Variants in ZNF354C observed in about 807,000 individuals in gnomAD.
ZNF354C encodes the protein KRAB-zinc finger protein synten.
A neutral mutation model predicts 12.4 loss-of-function variants in ZNF354C; 7 were observed. The observed-to-expected ratio is 0.56, with a 90% CI of 0.32 to 1.06. ZNF354C has a LOEUF of 1.06. Among genes scored for constraint, ZNF354C ranks in the 50% least tolerant of loss-of-function variants. The pLI, the probability that ZNF354C is intolerant of heterozygous loss-of-function variation, is 0.04. For synonymous variants in ZNF354C, 202 were observed against 224.5 expected, an observed-to-expected ratio of 0.90 and a Z score of 0.90; for missense variants, 609 against 658.0, an observed-to-expected ratio of 0.93 and a Z score of 0.81.
intron 2 of ZNF354C, among the ~76,000 whole-genome samples, chr5:179,066,284 C>T (rs998208003): frequency 6.6e-6 from 1 of 152,224 alleles, no homozygotes; most frequent in East Asian, 1.9e-4. Flanking sequence ...TGTCTTATAA[C>T]AGAGTATTCC....
chr5:179,070,772 G>C (rs1762035889), intron 2 of ZNF354C, among the ~76,000 whole-genome samples: 1 of 150,742 alleles, frequency 6.6e-6, no homozygotes, highest in South Asian at 2.1e-4. Context: ...TAAGCATTTT[G>C]AGTGGAGTTG....
intron 1 of ZNF354C, among the ~76,000 whole-genome samples, 175 bp from the exon 2 acceptor site, chr5:179,061,840 A>G (rs1199421263): frequency 3.3e-5 from 5 of 152,204 alleles, no homozygotes; most frequent in African/African-American, 1.2e-4. Flanking sequence ...AAGTGCAGAA[A>G]TAGAAGTAGG....
intron 2 of ZNF354C, among the ~76,000 whole-genome samples, chr5:179,068,733 C>T (rs1390704000): frequency 2.6e-5 from 4 of 152,128 alleles, no homozygotes; most frequent in African/African-American, 9.6e-5. Flanking sequence ...AACACGGAGC[C>T]TGTATTAGTG....
At chr5:179,077,419 G>A (rs914444457) in intron 4 of ZNF354C, among the ~76,000 whole-genome samples, 1 of 152,142 alleles carries the variant, frequency 6.6e-6, no homozygotes, top group African/African-American at 2.4e-5. Context: ...GAGTCACCTC[G>A]AACTAAATCT....
intron 2 of ZNF354C, among the ~76,000 whole-genome samples, chr5:179,068,923 C>T (rs1761998799): frequency 6.6e-6 from 1 of 152,264 alleles, no homozygotes; most frequent in Non-Finnish European, 1.5e-5. Flanking sequence ...ATGGCCTCTC[C>T]TGCGCATGAG....
At chr5:179,071,219 T>C (rs2113115968) in intron 2 of ZNF354C, among the ~76,000 whole-genome samples, 1 of 152,078 alleles carries the variant, frequency 6.6e-6, no homozygotes, top group South Asian at 2.1e-4. Flanking sequence ...CCCTCACACA[T>C]TGCTACTCAC....
intron 2 of ZNF354C, among the ~76,000 whole-genome samples, chr5:179,070,868 A>C (rs1224893430): frequency 3.0e-5 from 1 of 33,836 alleles, no homozygotes; most frequent in African/African-American, 1.3e-4. Flanking sequence ...TTTTTTTTTG[A>C]GACAGAGTCT....
rs748605016 is a variant in ZNF354C at position 179,080,045 on chromosome 5, CACTT to C, written c.1616_1619del (p.Leu539ProfsTer21). On this transcript the variant is annotated frameshift_variant, in exon 5 of 5. Coordinates refer to ENST00000315475, the MANE Select transcript of ZNF354C (RefSeq NM_014594.3). LOFTEE classifies it low-confidence loss of function (END_TRUNC). ...GGGAAACCTTTCATCTGCAGCTCCT[CACTT>C]ACCCAGTATCAGAGATTTTTTAAAG... The C allele has an allele frequency of 9.3e-6, 15 of 1,606,000 alleles. No individual in the cohort carries two copies. The highest frequency in any genetic ancestry group is 2.2e-5 in the East Asian group (1 of 44,850).
At chr5:179,070,564 T>A (rs970031471) in intron 2 of ZNF354C, among the ~76,000 whole-genome samples, 2 of 152,214 alleles carry the variant, frequency 1.3e-5, no homozygotes, top group Non-Finnish European at 2.9e-5. Flanking sequence ...CCAAGCCTAC[T>A]TCTGTGACTA....
At chr5:179,070,346 C>T (rs115674568) in intron 2 of ZNF354C, among the ~76,000 whole-genome samples, 26 of 152,200 alleles carry the variant, frequency 1.7e-4, no homozygotes, top group Admixed American at 7.8e-4. Flanking sequence ...CCTCTGATAT[C>T]GAGTACAGTC....
chr5:179,062,905 T>C (rs895819289), intron 2 of ZNF354C, among the ~76,000 whole-genome samples: 3 of 152,200 alleles, frequency 2.0e-5, no homozygotes, highest in Admixed American at 2.0e-4. Context: ...TTTTCATTAC[T>C]TTAACCCTCA....
intron 2 of ZNF354C, among the ~76,000 whole-genome samples, chr5:179,073,425 G>C (rs1762074763): frequency 6.6e-6 from 1 of 152,174 alleles, no homozygotes; most frequent in South Asian, 2.1e-4. Flanking sequence ...TTAAAGTGCA[G>C]CTGATTGCTT....
intron 2 of ZNF354C, among the ~76,000 whole-genome samples, chr5:179,073,952 C>A (rs1762080825): frequency 6.6e-6 from 1 of 151,718 alleles, no homozygotes; most frequent in African/African-American, 2.4e-5. Context: ...CCACTGAACC[C>A]AGCCATCAGC....
At position 179,079,539 on chromosome 5, in the gene ZNF354C, A is replaced by G. The variant is rs751860972; in HGVS notation, c.1107A>G (p.Thr369=). 6.2e-7 allele frequency: 1 copy of G among 1,614,200 alleles called. No individual in the cohort carries two copies. Among genetic ancestry groups the G allele is most frequent in the South Asian group, 1.1e-5 (1 of 91,086 alleles). ...SECGKGYSQF[T]SLAEHQRFHT... is the part of the protein sequence containing the mutation. ...GTGGGAAGGGATACAGCCAGTTTACATCTCTAGCTGAACATCAGAGGTTTC... is the reference window on the plus strand; with the variant it reads ...GTGGGAAGGGATACAGCCAGTTTACGTCTCTAGCTGAACATCAGAGGTTTC... Residue 369 remains threonine, a synonymous_variant, in exon 5 of 5, where the codon ACA becomes ACG. Transcript: ENST00000315475. The surrounding 1 kb of genome is among the most constrained non-coding windows in gnomAD (Gnocchi z 4.2).
intron 2 of ZNF354C, among the ~76,000 whole-genome samples, chr5:179,074,135 A>C (rs1175484361): frequency 6.6e-6 from 1 of 151,382 alleles, no homozygotes; most frequent in African/African-American, 2.4e-5. Flanking sequence ...GGCACGTGCC[A>C]CCATGCCCAG....
chr5:179,071,284 A>G (rs570977038), intron 2 of ZNF354C, among the ~76,000 whole-genome samples: 2 of 151,578 alleles, frequency 1.3e-5, no homozygotes, highest in East Asian at 2.0e-4. Flanking sequence ...GGATGAGATG[A>G]TTGATAAGAT....
intron 2 of ZNF354C, among the ~76,000 whole-genome samples, chr5:179,074,270 C>T (rs558693094): frequency 1.5e-4 from 22 of 150,578 alleles, no homozygotes; most frequent in Admixed American, 1.0e-3. Context: ...TGTGAGCCAC[C>T]GCGCCTGGCT....
chr5:179,061,993 T>C, intron 1 of ZNF354C, 22 bp from the exon 2 acceptor site: 1 of 1,549,008 alleles, frequency 6.5e-7, no homozygotes, highest in Non-Finnish European at 8.9e-7. Context: ...AGGGTTCCTC[T>C]TGACACCTTT....
In ZNF354C at chr5:179,082,860, C is replaced by CG. The variant is rs1762247803; in HGVS notation, c.*2764dup. On this transcript the variant is annotated 3_prime_UTR_variant, in exon 5 of 5. Coordinates refer to ENST00000315475, the MANE Select transcript of ZNF354C (RefSeq NM_014594.3). ...AACAGCCTTGGGGCCCTCACAGACT[C>CG]GCCAAACATTCCAGGCACTGCACTT... 8.5e-7 allele frequency: 1 copy of CG among 1,181,126 alleles called. No individual in the cohort carries two copies. Among genetic ancestry groups the CG allele is most frequent in the Admixed American group, 1.7e-5 (1 of 59,102 alleles). The allele number at this position is 1,181,126 out of a possible 1,614,324, so 73.2% of individuals were successfully genotyped here.
Sources: gnomAD v4.1 joint callset for allele counts (sites outside exome capture counted in the v4.1 genomes callset) on GRCh38, gnomAD v4.1.1 for gene constraint, Gnocchi (gnomAD v3.1) non-coding constraint, MANE v1.5 for transcripts, NCBI Gene and HGNC (gene_info 2026-07-23, HGNC 2026-07-21) for gene names.